Variants in CNTNAP2 observed in about 807,000 individuals in gnomAD.
CNTNAP2 encodes the protein contactin associated protein 2.
Under a neutral mutation model 155.2 loss-of-function variants are expected in CNTNAP2, and 98 were observed. The observed-to-expected ratio is 0.63, with a 90% CI of 0.54 to 0.75. The LOEUF (loss-of-function observed/expected upper bound fraction) is 0.75, where lower values mean the gene tolerates loss of function less well. CNTNAP2 is among the 30% of genes least tolerant of loss of function. The pLI is 0.00. For missense variants in CNTNAP2, 1,727 were observed against 1,688.1 expected (o/e 1.02, Z -0.40); for synonymous variants, 651 against 631.2 (o/e 1.03, Z -0.47).
intron 1 of CNTNAP2, among the ~76,000 whole-genome samples, chr7:146,705,740 C>G (rs751086555): frequency 6.2e-4 from 95 of 152,038 alleles, no homozygotes; most frequent in Non-Finnish European, 1.3e-3. Context: ...ACCATCAGAT[C>G]TCATGAGACT....
intron 5 of CNTNAP2, among the ~76,000 whole-genome samples, chr7:147,114,013 A>G (rs904449710): frequency 1.3e-5 from 2 of 152,030 alleles, no homozygotes; most frequent in Admixed American, 6.6e-5. Flanking sequence ...GGTACTTTGT[A>G]TCTTTGTTCT....
chr7:146,669,050 G>T (rs1368562593), intron 1 of CNTNAP2, among the ~76,000 whole-genome samples: 4 of 152,024 alleles, frequency 2.6e-5, no homozygotes, highest in South Asian at 2.1e-4. Context: ...TCAAATAAAT[G>T]GATACAATAA....
In CNTNAP2 at chr7:147,178,050, GC is replaced by G. The variant is rs898001773; in HGVS notation, c.1348+45548del. 4.0e-5 allele frequency among the ~76,000 whole-genome samples: 6 copies of G among 151,770 alleles called. 1 individual carries two copies. The East Asian group carries it at 5.8e-4, about 15-fold the overall frequency. ...TGGAAGGCAGAATAATGCCCCATCC[GC>G]CCCCCCACCACGAAGATATCCATGT... On this transcript the variant is annotated intron_variant, in intron 8 of 23. Coordinates refer to ENST00000361727, the MANE Select transcript of CNTNAP2 (RefSeq NM_014141.6).
At chr7:146,848,908 G>A (rs1166034173) in intron 3 of CNTNAP2, among the ~76,000 whole-genome samples, 1 of 152,076 alleles carries the variant, frequency 6.6e-6, no homozygotes, top group African/African-American at 2.4e-5. Flanking sequence ...GAGTAGCTGG[G>A]ATAACAGGCA....
intron 13 of CNTNAP2, among the ~76,000 whole-genome samples, chr7:147,769,015 A>G (rs1046702142): frequency 6.6e-6 from 1 of 152,154 alleles, no homozygotes; most frequent in African/African-American, 2.4e-5. Flanking sequence ...TCAAAATGCA[A>G]TTATTCATAG....
rs1050623402 is a variant in CNTNAP2 at position 147,244,392 on chromosome 7, A to AT, written c.1349-55749_1349-55748insT. Reference sequence around the variant, plus strand: ...TACTAAGCACCCTATATGTTAAAAAAATATATATTAAATGTTAGTTTTTGT... The same window carrying AT: ...TACTAAGCACCCTATATGTTAAAAAATATATATATTAAATGTTAGTTTTTGT... On this transcript the variant is annotated intron_variant, in intron 8 of 23. Coordinates refer to ENST00000361727, the MANE Select transcript of CNTNAP2 (RefSeq NM_014141.6). Among the ~76,000 whole-genome samples, 407 of 152,304 alleles carry AT rather than the reference A, an allele frequency of 2.7e-3. 1 individual carries two copies. Among genetic ancestry groups the AT allele is most frequent in the African/African-American group, 9.1e-3 (380 of 41,552 alleles).
intron 12 of CNTNAP2, among the ~76,000 whole-genome samples, chr7:147,566,513 T>A (rs1043438336): frequency 2.6e-5 from 4 of 152,142 alleles, no homozygotes; most frequent in Non-Finnish European, 5.9e-5. Flanking sequence ...GACTCACAGT[T>A]GCTCATGGCT....
At chr7:146,331,177 G>A (rs184999471) in intron 1 of CNTNAP2, among the ~76,000 whole-genome samples, 7 of 151,792 alleles carry the variant, frequency 4.6e-5, no homozygotes, top group African/African-American at 7.2e-5. Context: ...GGTAGCGAGC[G>A]CCTGTAGTCC....
At chr7:147,824,924 G>A (rs1000907492) in intron 13 of CNTNAP2, among the ~76,000 whole-genome samples, 1 of 152,050 alleles carries the variant, frequency 6.6e-6, no homozygotes, top group East Asian at 1.9e-4. Flanking sequence ...ACAGGGAAAA[G>A]AAAATTTTGC....
intron 8 of CNTNAP2, among the ~76,000 whole-genome samples, chr7:147,139,850 T>C (rs959172727): frequency 2.0e-5 from 3 of 152,030 alleles, no homozygotes; most frequent in African/African-American, 7.2e-5. Flanking sequence ...ACAAGAAAAT[T>C]TTGGGAGAGT....
intron 1 of CNTNAP2, among the ~76,000 whole-genome samples, chr7:146,318,043 A>G (rs1800938922): frequency 6.6e-6 from 1 of 151,996 alleles, no homozygotes; most frequent in Non-Finnish European, 1.5e-5. Context: ...GTGGAGGCTG[A>G]GGCAGGAGAA....
chr7:146,270,039 T>C (rs1262130454), intron 1 of CNTNAP2, among the ~76,000 whole-genome samples: 1 of 152,182 alleles, frequency 6.6e-6, no homozygotes, highest in Non-Finnish European at 1.5e-5. Flanking sequence ...ATGGCTACTG[T>C]CTTACCCCAG....
chr7:146,426,593 T>A, intron 1 of CNTNAP2, among the ~76,000 whole-genome samples: 1 of 145,644 alleles, frequency 6.9e-6, no homozygotes, highest in Non-Finnish European at 1.5e-5. Context: ...AAGCCAAAAG[T>A]ATTACAGTGA....
In CNTNAP2 at chr7:147,108,296, GATTAC is replaced by G; in HGVS notation, c.706_710del (p.Ile236LeufsTer36). The G allele has an allele frequency of 6.2e-7, 1 of 1,613,746 alleles. No individual in the cohort carries two copies. The highest frequency in any genetic ancestry group is 8.5e-7 in the Non-Finnish European group (1 of 1,179,788). On this transcript the variant is annotated frameshift_variant, in exon 5 of 24. Transcript: ENST00000361727. LOFTEE classifies it high-confidence loss of function. ...CCTGCACGGAGAAGGACAGCAAGGA[GATTAC>G]ATTACCTTGGAACTGAAAAAAGCCA...
At chr7:147,473,174 T>A (rs547618263) in intron 10 of CNTNAP2, among the ~76,000 whole-genome samples, 113 of 152,332 alleles carry the variant, frequency 7.4e-4, no homozygotes, top group African/African-American at 1.9e-3. Context: ...TGGAGTTGAC[T>A]GAAGTGTTAA....
At chr7:147,862,967 C>T (rs1419436342) in intron 13 of CNTNAP2, among the ~76,000 whole-genome samples, 2 of 151,996 alleles carry the variant, frequency 1.3e-5, no homozygotes, top group Non-Finnish European at 2.9e-5. Flanking sequence ...TTCTAGGGTA[C>T]ATGTTCACAA....
intron 9 of CNTNAP2, among the ~76,000 whole-genome samples, chr7:147,381,044 G>A (rs1355221089): frequency 6.6e-6 from 1 of 151,954 alleles, no homozygotes; most frequent in African/African-American, 2.4e-5. Flanking sequence ...TTTTAAACGT[G>A]AGAAACTTGC....
intron 11 of CNTNAP2, among the ~76,000 whole-genome samples, chr7:147,493,156 A>G (rs1395149496): frequency 2.6e-5 from 4 of 152,234 alleles, no homozygotes; most frequent in Non-Finnish European, 5.9e-5. Flanking sequence ...ATATTTTCAT[A>G]TCAGTGATTC....
intron 20 of CNTNAP2, among the ~76,000 whole-genome samples, chr7:148,234,015 T>A (rs2116786584): frequency 6.6e-6 from 1 of 152,322 alleles, no homozygotes; most frequent in Admixed American, 6.5e-5. Context: ...GTAAGTTTCC[T>A]GAGGTCTCCC....
Sources: gnomAD v4.1 joint callset for allele counts (sites outside exome capture counted in the v4.1 genomes callset) on GRCh38, gnomAD v4.1.1 for gene constraint, MANE v1.5 for transcripts, NCBI Gene and HGNC (gene_info 2026-07-23, HGNC 2026-07-21) for gene names.